SOX6: variants seen among roughly 807,000 people sequenced by gnomAD.
The protein encoded by SOX6 is transcription factor SOX-6.
A neutral mutation model predicts 97.8 loss-of-function variants in SOX6; 11 were observed. The observed-to-expected ratio is 0.11, with a 90% CI of 0.07 to 0.19. The LOEUF is 0.19. Among genes scored for constraint, SOX6 ranks in the 10% least tolerant of loss-of-function variants. The pLI is 1.00. For missense variants in SOX6, 810 were observed against 1,039.5 expected, an observed-to-expected ratio of 0.78 and a Z score of 3.04; for synonymous variants, 360 against 371.4, an observed-to-expected ratio of 0.97 and a Z score of 0.35.
chr11:16,519,745 G>A (rs373634812), intron 4 of SOX6, among the ~76,000 whole-genome samples: 11 of 152,100 alleles, frequency 7.2e-5, no homozygotes, highest in South Asian at 6.2e-4. Flanking sequence ...GTCAGATAAC[G>A]GTAGTTTTAT....
In SOX6 at chr11:16,111,882, T is replaced by C; in HGVS notation, c.819A>G (p.Pro273=). 6.2e-7 allele frequency: 1 copy of C among 1,612,636 alleles called. No individual in the cohort carries two copies. Among genetic ancestry groups the C allele is most frequent in the Non-Finnish European group, 8.5e-7 (1 of 1,179,944 alleles). Residue 273 remains proline (P), a synonymous_variant, in exon 7 of 16, where the codon CCA becomes CCG. Coordinates refer to ENST00000683767, the MANE Select transcript of SOX6 (RefSeq NM_001367873.1). ...HMPPLMIPIF[P]HDQRTLAAAA... is the part of the protein sequence containing the mutation. ...CTGCTGCCAGAGTCCGCTGGTCATGTGGAAAAATTGGGATCATGAGCGGAG... is the reference window on the plus strand; with the variant it reads ...CTGCTGCCAGAGTCCGCTGGTCATGCGGAAAAATTGGGATCATGAGCGGAG...
chr11:16,227,103 C>T (rs935939413), intron 4 of SOX6, among the ~76,000 whole-genome samples: 4 of 152,118 alleles, frequency 2.6e-5, no homozygotes, highest in African/African-American at 9.7e-5. Flanking sequence ...ATTTTCCACA[C>T]TGGATTGTTA....
At chr11:16,049,998 T>G in intron 10 of SOX6, 60 bp from the exon 11 acceptor site, 2 of 1,560,694 alleles carry the variant, frequency 1.3e-6, no homozygotes, top group Non-Finnish European at 1.8e-6. Flanking sequence ...ACATTATCAC[T>G]TAGTAAGCCA....
intron 12 of SOX6, among the ~76,000 whole-genome samples, chr11:16,038,895 T>C (rs767876566): frequency 2.2e-4 from 34 of 152,152 alleles, no homozygotes; most frequent in Non-Finnish European, 4.0e-4. Context: ...TCAAACTGAA[T>C]AGGAATGTTA....
chr11:16,264,520 A>C (rs1220195942), intron 3 of SOX6: 9 of 151,982 alleles, frequency 5.9e-5, no homozygotes, highest in African/African-American at 2.2e-4. Context: ...ACAAATAATA[A>C]GTCAACAAAC....
intron 3 of SOX6, among the ~76,000 whole-genome samples, chr11:16,278,927 G>T (rs1318122529): frequency 1.3e-5 from 2 of 152,040 alleles, no homozygotes; most frequent in Non-Finnish European, 2.9e-5. Context: ...GGATGTATAG[G>T]TTCAAATGGT....
At chr11:16,198,813 C>T (rs1851858589) in intron 4 of SOX6, among the ~76,000 whole-genome samples, 1 of 152,204 alleles carries the variant, frequency 6.6e-6, no homozygotes, top group South Asian at 2.1e-4. Flanking sequence ...CCCTACTACA[C>T]TCTCTTTGCT....
chr11:16,383,447 G>T (rs1857887710), intron 1 of SOX6, among the ~76,000 whole-genome samples: 1 of 151,884 alleles, frequency 6.6e-6, no homozygotes, highest in Non-Finnish European at 1.5e-5. Context: ...GCACACCTAG[G>T]TTCAAATCCT....
chr11:16,038,974 A>G (rs1855585354), intron 12 of SOX6, among the ~76,000 whole-genome samples: 2 of 152,134 alleles, frequency 1.3e-5, no homozygotes, highest in African/African-American at 4.8e-5. Context: ...TCTTCTGAGA[A>G]GCTGTTTTGT....
At chr11:16,382,831 G>A (rs1857865270) in intron 1 of SOX6, among the ~76,000 whole-genome samples, 1 of 151,840 alleles carries the variant, frequency 6.6e-6, no homozygotes, top group Non-Finnish European at 1.5e-5. Context: ...AGTTGTACTA[G>A]TAATGGCAGA....
In SOX6 at chr11:15,968,860, C is replaced by G. The variant is rs942387007; in HGVS notation, c.*3949G>C. 3 of 152,128 alleles carry G rather than the reference C, an allele frequency of 2.0e-5. No individual in the cohort carries two copies. The highest frequency in any genetic ancestry group is 7.2e-5 in the African/African-American group (3 of 41,400). The allele number at this position is 152,128 out of a possible 1,614,324, so 9.4% of individuals were successfully genotyped here. ...GTATCAAATACCTAATGAAGCAAAC[C>G]GAGGTGCTTCTAAAAGGCTGAGCTG... On this transcript the variant is annotated 3_prime_UTR_variant, in exon 16 of 16. Coordinates refer to ENST00000683767, the MANE Select transcript of SOX6 (RefSeq NM_001367873.1).
intron 4 of SOX6, among the ~76,000 whole-genome samples, chr11:16,581,573 G>A (rs1370111507): frequency 6.6e-6 from 1 of 152,060 alleles, no homozygotes; most frequent in African/African-American, 2.4e-5. Flanking sequence ...TAACAAACCT[G>A]AAGGTTCTGC....
intron 15 of SOX6, among the ~76,000 whole-genome samples, chr11:15,979,060 T>C (rs1476433213): frequency 7.1e-6 from 1 of 141,098 alleles, no homozygotes; most frequent in African/African-American, 2.6e-5. Flanking sequence ...TATATATATA[T>C]ATATAAAACT....
chr11:16,522,240 G>A (rs1462924359), intron 4 of SOX6, among the ~76,000 whole-genome samples: 1 of 152,126 alleles, frequency 6.6e-6, no homozygotes, highest in Middle Eastern at 3.4e-3. Context: ...GAAAGGTCGG[G>A]TTACCCACAA....
At chr11:16,493,530 G>A (rs1590222314) in intron 4 of SOX6, among the ~76,000 whole-genome samples, 2 of 152,104 alleles carry the variant, frequency 1.3e-5, no homozygotes, top group Admixed American at 6.6e-5. Flanking sequence ...AAAGGCTTCC[G>A]GGTAATATAA....
chr11:15,999,179 C>T (rs1181785061), intron 13 of SOX6, among the ~76,000 whole-genome samples: 3 of 151,950 alleles, frequency 2.0e-5, no homozygotes, highest in Non-Finnish European at 2.9e-5. Context: ...CAGGAAAATG[C>T]AAATTGAAAC....
upstream of SOX6, among the ~76,000 whole-genome samples, chr11:16,358,132 A>G (rs1857118802): frequency 6.6e-6 from 1 of 152,066 alleles, no homozygotes; most frequent in Non-Finnish European, 1.5e-5. Flanking sequence ...AAGCTGATTT[A>G]CTCCCCAAAA....
At chr11:16,449,301 T>C (rs1859672609) in intron 1 of SOX6, among the ~76,000 whole-genome samples, 1 of 93,488 alleles carries the variant, frequency 1.1e-5, no homozygotes, top group African/African-American at 3.8e-5. Context: ...TTTTTTTTTT[T>C]TTTTTTTTTG....
At chr11:16,251,715 G>A (rs1202308358) in intron 3 of SOX6, among the ~76,000 whole-genome samples, 1 of 151,980 alleles carries the variant, frequency 6.6e-6, no homozygotes, top group Non-Finnish European at 1.5e-5. Flanking sequence ...TCCAACTCAT[G>A]TTAGGGGACC....
Sources: gnomAD v4.1 joint callset for allele counts (sites outside exome capture counted in the v4.1 genomes callset) on GRCh38, gnomAD v4.1.1 for gene constraint, MANE v1.5 for transcripts, NCBI Gene and HGNC (gene_info 2026-07-23, HGNC 2026-07-21) for gene names.